The following SEMA5A variants were observed in gnomAD, a reference collection of about 807,000 sequenced individuals.
The protein encoded by SEMA5A is semaphorin 5A.
Under a neutral mutation model 135.5 loss-of-function variants are expected in SEMA5A, and 55 were observed. The observed-to-expected ratio is 0.41, with a 90% CI of 0.33 to 0.51. The LOEUF is 0.51. SEMA5A is among the 20% of genes least tolerant of loss of function. The pLI is 0.37. For missense variants in SEMA5A, 1,290 were observed against 1,419.9 expected (o/e 0.91, Z 1.47); for synonymous variants, 580 against 546.5 (o/e 1.06, Z -0.85).
rs544168769 is a variant in SEMA5A at position 9,182,274 on chromosome 5, C to T, written c.1273+7993G>A. Among the ~76,000 whole-genome samples, 5 of 151,982 alleles carry T rather than the reference C, an allele frequency of 3.3e-5. No individual in the cohort carries two copies. In the South Asian group the frequency reaches 6.2e-4, roughly 19 times the overall value. On this transcript the variant is annotated intron_variant, in intron 11 of 22. Coordinates refer to ENST00000382496, the MANE Select transcript of SEMA5A (RefSeq NM_003966.3). ...AGTGTCTTCTTTTCAGCAAAGGCCA[C>T]GAGAAGTATCAACTGTCCAAACCAA... is the stretch of plus-strand genomic sequence containing the variant.
intron 2 of SEMA5A, among the ~76,000 whole-genome samples, chr5:9,385,960 C>T (rs1755868388): frequency 6.6e-6 from 1 of 151,896 alleles, no homozygotes; most frequent in Non-Finnish European, 1.5e-5. Context: ...CACCACCACA[C>T]CTGGCTAATT....
At chr5:9,064,478 T>G (rs1036809019) in intron 17 of SEMA5A, among the ~76,000 whole-genome samples, 3 of 152,104 alleles carry the variant, frequency 2.0e-5, no homozygotes, top group African/African-American at 7.2e-5. Flanking sequence ...AAAGGATGAG[T>G]TCATGTCCTT....
At chr5:9,531,469 T>C (rs1168154440) in intron 1 of SEMA5A, among the ~76,000 whole-genome samples, 1 of 152,156 alleles carries the variant, frequency 6.6e-6, no homozygotes, top group African/African-American at 2.4e-5. Flanking sequence ...CCTTTGAAGC[T>C]TCCTTCAGCC....
intron 1 of SEMA5A, among the ~76,000 whole-genome samples, chr5:9,534,249 G>T (rs930080020): frequency 6.6e-6 from 1 of 152,156 alleles, no homozygotes; most frequent in Non-Finnish European, 1.5e-5. Flanking sequence ...GACTCTTAAT[G>T]ATGACGCTGC....
chr5:9,300,046 G>C (rs1751535226), intron 5 of SEMA5A, among the ~76,000 whole-genome samples: 1 of 151,850 alleles, frequency 6.6e-6, no homozygotes, highest in South Asian at 2.1e-4. Context: ...TTTTTGGGGG[G>C]CGGGGGGCAG....
chr5:9,146,191 C>T (rs1044653267), intron 12 of SEMA5A, among the ~76,000 whole-genome samples: 4 of 152,138 alleles, frequency 2.6e-5, no homozygotes, highest in Non-Finnish European at 2.9e-5. Flanking sequence ...CAGCCCAAGC[C>T]TACCTTGGAA....
intron 1 of SEMA5A, among the ~76,000 whole-genome samples, chr5:9,494,917 C>A (rs1735223847): frequency 6.6e-6 from 1 of 152,120 alleles, no homozygotes; most frequent in African/African-American, 2.4e-5. Context: ...CAAGGTTCTT[C>A]CTAAGAAATA....
At chr5:9,278,902 G>T (rs1579775310) in intron 5 of SEMA5A, among the ~76,000 whole-genome samples, 6 of 152,250 alleles carry the variant, frequency 3.9e-5, no homozygotes, top group Admixed American at 3.3e-4. Context: ...TGCTGCAGGG[G>T]TGGACCCCTC....
intron 3 of SEMA5A, among the ~76,000 whole-genome samples, chr5:9,362,327 C>T (rs543018493): frequency 6.6e-6 from 1 of 152,114 alleles, no homozygotes; most frequent in African/African-American, 2.4e-5. Flanking sequence ...GGAACTGTCC[C>T]TTTCTTGCTT....
At chr5:9,391,444 A>T (rs1418828068) in intron 2 of SEMA5A, among the ~76,000 whole-genome samples, 2 of 152,080 alleles carry the variant, frequency 1.3e-5, no homozygotes, top group Non-Finnish European at 2.9e-5. Flanking sequence ...CTTCATCTCT[A>T]CCTGAGACAA....
At chr5:9,527,653 A>G (rs1291057154) in intron 1 of SEMA5A, among the ~76,000 whole-genome samples, 1 of 148,272 alleles carries the variant, frequency 6.7e-6, no homozygotes, top group Non-Finnish European at 1.5e-5. Context: ...ACTTGCTAAC[A>G]TTATGGAGTG....
intron 1 of SEMA5A, among the ~76,000 whole-genome samples, chr5:9,543,525 G>A (rs1738207967): frequency 6.6e-6 from 1 of 152,146 alleles, no homozygotes; most frequent in Admixed American, 6.5e-5. Flanking sequence ...ACTCGCAGCA[G>A]GGATCTCGCA....
rs1747206130 is a variant in SEMA5A, at chr5:9,224,885, C to T, written c.435G>A (p.Leu145=). The T allele has an allele frequency of 2.5e-6, 4 of 1,611,566 alleles. No homozygotes were observed. The South Asian group carries it at 3.3e-5, about 13-fold the overall frequency. Residue 145 remains leucine (L), a splice_region_variant and synonymous_variant, in exon 8 of 23, where the codon TTG becomes TTA. Transcript: ENST00000382496. ...AFTPVCTNRS[L]SNLTEIHDQI... ...GATCATGGATCTCAGTCAGGTTGCT[C>T]AACTGTGGGGGAGGATGAGAGGGAA... is the stretch of plus-strand genomic sequence containing the variant.
At chr5:9,460,416 T>C (rs1021527911) in intron 1 of SEMA5A, among the ~76,000 whole-genome samples, 1 of 152,146 alleles carries the variant, frequency 6.6e-6, no homozygotes, top group Non-Finnish European at 1.5e-5. Flanking sequence ...ATTAAGTATA[T>C]ACCCAAAACA....
At chr5:9,135,923 G>T (rs531567402) in intron 13 of SEMA5A, among the ~76,000 whole-genome samples, 1 of 152,176 alleles carries the variant, frequency 6.6e-6, no homozygotes, top group South Asian at 2.1e-4. Flanking sequence ...CATGAAATGT[G>T]CTTTTCTTGG....
chr5:9,109,618 G>A (rs569528653), intron 15 of SEMA5A, among the ~76,000 whole-genome samples: 1 of 152,102 alleles, frequency 6.6e-6, no homozygotes, highest in African/African-American at 2.4e-5. Flanking sequence ...AGAAACAAGA[G>A]GCAAAGGTTC....
At chr5:9,292,998 G>A (rs1751162827) in intron 5 of SEMA5A, among the ~76,000 whole-genome samples, 1 of 152,188 alleles carries the variant, frequency 6.6e-6, no homozygotes, top group Admixed American at 6.5e-5. Flanking sequence ...TGCGAAACGT[G>A]ATCGAGGCGT....
intron 16 of SEMA5A, among the ~76,000 whole-genome samples, chr5:9,078,802 G>A (rs1462243214): frequency 6.6e-6 from 1 of 152,036 alleles, no homozygotes; most frequent in Non-Finnish European, 1.5e-5. Context: ...ATAGGGTAAA[G>A]CCATACTCAT....
intron 10 of SEMA5A, 46 bp downstream of exon 10, chr5:9,197,122 C>A: frequency 6.2e-7 from 1 of 1,612,134 alleles, no homozygotes; most frequent in South Asian, 1.1e-5. Flanking sequence ...CTTCTGCATT[C>A]TTCATGGGGG....
Sources: allele counts gnomAD v4.1 joint callset (sites outside exome capture counted in the v4.1 genomes callset), GRCh38; gene constraint gnomAD v4.1.1; transcripts MANE v1.5; gene names NCBI Gene and HGNC (gene_info 2026-07-23, HGNC 2026-07-21).